Variants in IFT81 observed in about 807,000 individuals in gnomAD.
IFT81 encodes the protein intraflagellar transport 81, also known as intraflagellar transport protein 81 homolog.
In IFT81, 72 loss-of-function variants were observed where a neutral mutation model predicts 102.6. That is an observed-to-expected ratio of 0.70 (90% CI 0.58 to 0.85). IFT81 has a LOEUF of 0.85. IFT81 is among the 40% of genes least tolerant of loss of function. The probability of loss-of-function intolerance (pLI) is 0.00; values close to 1 mark genes in which losing one functional copy is unlikely to be tolerated. For missense variants in IFT81, 723 were observed against 787.3 expected (o/e 0.92, Z 0.98); for synonymous variants, 237 against 242.7 (o/e 0.98, Z 0.22).
rs1236439915 is a variant in IFT81 at position 110,125,790 on chromosome 12, A to G, written c.-22+929A>G. Among the ~76,000 whole-genome samples, 3 of 152,358 alleles carry G rather than the reference A, an allele frequency of 2.0e-5. No homozygotes were observed. In the East Asian group the frequency reaches 5.8e-4, roughly 29 times the overall value. On this transcript the variant is annotated intron_variant, in intron 1 of 18. Coordinates refer to ENST00000242591, the MANE Select transcript of IFT81 (RefSeq NM_014055.4). ...AAATCAGATATTCAGTTTTTTAAAAAGTTATGATCTTTCTCACTGCCAGCC... is the reference window on the plus strand; with the variant it reads ...AAATCAGATATTCAGTTTTTTAAAAGGTTATGATCTTTCTCACTGCCAGCC...
intron 5 of IFT81, 35 bp downstream of exon 5, chr12:110,132,671 G>A (rs979092800): frequency 3.6e-6 from 4 of 1,124,686 alleles, no homozygotes; most frequent in African/African-American, 1.6e-5. Context: ...AATTTTTTTG[G>A]GATTTGAATA....
chr12:110,167,847 CTTTTTTT>C, intron 11 of IFT81: 8 of 228,212 alleles, frequency 3.5e-5, no homozygotes, highest in South Asian at 1.3e-4. Flanking sequence ...ATTTAGGTTT[CTTTTTTT>C]TTTTTTTTTT....
At chr12:110,171,222 T>C (rs1336031220) in intron 11 of IFT81, among the ~76,000 whole-genome samples, 1 of 151,744 alleles carries the variant, frequency 6.6e-6, no homozygotes, top group African/African-American at 2.4e-5. Flanking sequence ...GCAGTCTAGG[T>C]AATGCCACAC....
At chr12:110,197,247 G>A in intron 14 of IFT81, among the ~76,000 whole-genome samples, 1 of 134,800 alleles carries the variant, frequency 7.4e-6, no homozygotes, top group African/African-American at 2.7e-5. Context: ...TAGGTAGGTA[G>A]GTAGATAGAT....
At chr12:110,212,646 G>A (rs1445075033) in intron 18 of IFT81, among the ~76,000 whole-genome samples, 2 of 151,884 alleles carry the variant, frequency 1.3e-5, no homozygotes, top group Non-Finnish European at 2.9e-5. Flanking sequence ...AGACCAGCCT[G>A]GCCAACATAG....
intron 18 of IFT81, chr12:110,216,537 A>T (rs1424006513): frequency 2.2e-6 from 1 of 451,432 alleles, no homozygotes. Flanking sequence ...TTTTTTCCAG[A>T]GACGGAATCT....
intron 8 of IFT81, among the ~76,000 whole-genome samples, chr12:110,138,741 TCATTGTTATACTCCACA>T (rs1894669921): frequency 6.6e-6 from 1 of 152,234 alleles, no homozygotes; most frequent in African/African-American, 2.4e-5. Flanking sequence ...CTGAGGCTAA[TCATTGTTATACTCCACA>T]CATTTGTGAG....
At chr12:110,176,066 C>T (rs1157672731) in intron 11 of IFT81, among the ~76,000 whole-genome samples, 2 of 152,118 alleles carry the variant, frequency 1.3e-5, no homozygotes, top group Non-Finnish European at 2.9e-5. Flanking sequence ...TCACTCACCC[C>T]TCTGTGTCCT....
chr12:110,202,990 G>T (rs570620876), intron 14 of IFT81, among the ~76,000 whole-genome samples: 1 of 152,230 alleles, frequency 6.6e-6, no homozygotes, highest in African/African-American at 2.4e-5. Flanking sequence ...CATAGGCTGG[G>T]TGCGGTGGCT....
At chr12:110,210,877 G>T (rs1000215937) in intron 18 of IFT81, among the ~76,000 whole-genome samples, 1 of 151,288 alleles carries the variant, frequency 6.6e-6, no homozygotes, top group African/African-American at 2.4e-5. Flanking sequence ...TCGAGACAGA[G>T]TCTCACTCTG....
intron 11 of IFT81, among the ~76,000 whole-genome samples, chr12:110,172,302 G>GCCTCTGCCTCCTCTGCCT (rs557973551): frequency 1.3e-5 from 2 of 151,620 alleles, no homozygotes; most frequent in African/African-American, 4.9e-5. Context: ...CTCTGCCTCT[G>GCCTCTGCCTCCTCTGCCT]CCTCTGCCTC....
At chr12:110,179,049 G>T (rs1406010203) in intron 11 of IFT81, among the ~76,000 whole-genome samples, 1 of 151,984 alleles carries the variant, frequency 6.6e-6, no homozygotes, top group Non-Finnish European at 1.5e-5. Flanking sequence ...ATGATGGGTA[G>T]GTAAATAGAT....
chr12:110,193,898 A>G (rs1424059089), intron 14 of IFT81, among the ~76,000 whole-genome samples: 1 of 152,200 alleles, frequency 6.6e-6, no homozygotes, highest in Non-Finnish European at 1.5e-5. Context: ...TAAAGAAAAA[A>G]GTCTTAATTG....
chr12:110,163,211 G>C, intron 11 of IFT81, 146 bp downstream of exon 11: 1 of 604,596 alleles, frequency 1.7e-6, no homozygotes, highest in Non-Finnish European at 2.7e-6. Flanking sequence ...GAGTCTTTTT[G>C]CAATAATACT....
At chr12:110,215,435 TCTC>T (rs1869957026) in intron 18 of IFT81, among the ~76,000 whole-genome samples, 2 of 148,556 alleles carry the variant, frequency 1.3e-5, no homozygotes, top group African/African-American at 5.0e-5. Context: ...TTCTTTTTCT[TCTC>T]TTCTTCTTCT....
intron 12 of IFT81, among the ~76,000 whole-genome samples, 198 bp downstream of exon 12, chr12:110,180,769 G>A (rs1897290102): frequency 6.6e-6 from 1 of 152,192 alleles, no homozygotes; most frequent in Non-Finnish European, 1.5e-5. Flanking sequence ...TGTGTGTGCT[G>A]ACTTCGGGGT....
chr12:110,184,694 A>G (rs936119804), intron 12 of IFT81, among the ~76,000 whole-genome samples: 2 of 152,222 alleles, frequency 1.3e-5, no homozygotes, highest in Admixed American at 6.5e-5. Context: ...TTGGGTAGAA[A>G]TAGCCTCAAA....
intron 12 of IFT81, among the ~76,000 whole-genome samples, chr12:110,181,046 A>G (rs950760755): frequency 6.6e-6 from 1 of 152,020 alleles, no homozygotes; most frequent in African/African-American, 2.4e-5. Flanking sequence ...GTCCCACAGC[A>G]AAGTTGTTCT....
At chr12:110,173,781 G>A (rs943870056) in intron 11 of IFT81, among the ~76,000 whole-genome samples, 5 of 152,036 alleles carry the variant, frequency 3.3e-5, no homozygotes, top group Non-Finnish European at 5.9e-5. Flanking sequence ...CTGGTTAAGA[G>A]TCATCACCAC....
Sources: allele counts gnomAD v4.1 joint callset (sites outside exome capture counted in the v4.1 genomes callset), GRCh38; gene constraint gnomAD v4.1.1; transcripts MANE v1.5; gene names NCBI Gene and HGNC (gene_info 2026-07-23, HGNC 2026-07-21).